Variants in PEPD observed in about 807,000 individuals in gnomAD.
PEPD encodes peptidase D.
In PEPD, 53 loss-of-function variants were observed where a neutral mutation model predicts 60.7. The ratio of observed to expected loss-of-function variants is 0.87; its 90% CI spans 0.70 to 1.10. PEPD has a LOEUF of 1.10. Among genes scored for constraint, PEPD ranks in the 50% least tolerant of loss-of-function variants. The pLI is 0.00. For missense variants in PEPD, 711 were observed against 711.9 expected (o/e 1.00, Z 0.01); for synonymous variants, 267 against 284.1 (o/e 0.94, Z 0.60).
chr19:33,428,462 G>C (rs537497328), intron 9 of PEPD, among the ~76,000 whole-genome samples: 1 of 152,314 alleles, frequency 6.6e-6, no homozygotes, highest in South Asian at 2.1e-4. Flanking sequence ...CTTCCCACCA[G>C]GAGGTCATGG....
chr19:33,493,448 G>A, intron 4 of PEPD, 111 bp from the exon 5 acceptor site: 4 of 822,106 alleles, frequency 4.9e-6, no homozygotes, highest in Non-Finnish European at 8.4e-6. Context: ...CAGATCATTA[G>A]AACAGGCGAC....
intron 9 of PEPD, among the ~76,000 whole-genome samples, chr19:33,418,620 C>A (rs1349881507): frequency 6.6e-6 from 1 of 152,242 alleles, no homozygotes. Context: ...GCCTGGGTGG[C>A]ACCAGCGACC....
intron 9 of PEPD, among the ~76,000 whole-genome samples, chr19:33,454,684 A>G (rs898895970): frequency 3.9e-5 from 6 of 152,152 alleles, no homozygotes; most frequent in African/African-American, 1.2e-4. Flanking sequence ...GAGGGAGAAG[A>G]GACAAATGTG....
At chr19:33,410,833 C>T (rs1354738507) in intron 11 of PEPD, among the ~76,000 whole-genome samples, 1 of 152,070 alleles carries the variant, frequency 6.6e-6, no homozygotes, top group African/African-American at 2.4e-5. Flanking sequence ...TGGCTGAGCC[C>T]CAGGGCTCCA....
intron 9 of PEPD, among the ~76,000 whole-genome samples, chr19:33,417,213 C>T (rs1308703713): frequency 1.3e-5 from 2 of 152,236 alleles, no homozygotes; most frequent in African/African-American, 4.8e-5. Context: ...AAGGGGTGGC[C>T]CTGGCCACAT....
chr19:33,439,946 G>T (rs1005104863), intron 9 of PEPD, among the ~76,000 whole-genome samples: 2 of 152,086 alleles, frequency 1.3e-5, no homozygotes, highest in Non-Finnish European at 2.9e-5. Flanking sequence ...TCGAACCCCC[G>T]GCCTCAAGTG....
intron 9 of PEPD, among the ~76,000 whole-genome samples, chr19:33,440,034 T>C (rs1969454325): frequency 6.6e-6 from 1 of 152,148 alleles, no homozygotes; most frequent in Non-Finnish European, 1.5e-5. Context: ...TCTTAAATGA[T>C]TTGACACTGG....
chr19:33,433,997 AC>A (rs10717801), intron 9 of PEPD, among the ~76,000 whole-genome samples: 152,269 of 152,270 alleles, frequency 1, 76,134 homozygotes, highest in Non-Finnish European at 1. Context: ...GTGGGTGAAG[AC>A]CCCAGGACAT....
intron 12 of PEPD, 23 bp from the exon 13 acceptor site, chr19:33,391,502 G>A (rs754485084): frequency 4.3e-5 from 67 of 1,545,640 alleles, no homozygotes; most frequent in Non-Finnish European, 5.3e-5. Context: ...GGGAGCTGCC[G>A]TGAGCCACAG....
rs188098488 is a variant in PEPD, at chr19:33,395,847, C to T, written c.968-4368G>A. Among the ~76,000 whole-genome samples the T allele has an allele frequency of 2.0e-4, 31 of 152,350 alleles. 1 individual carries two copies. Among genetic ancestry groups the T allele is most frequent in the Admixed American group, 1.8e-3 (27 of 15,308 alleles). Reference sequence around the variant, plus strand: ...AGGGGTGTAGGACAGCAGGCTCCGGCCGGGGTCCCAGGGCAGGCCCTGAGG... The same window carrying T: ...AGGGGTGTAGGACAGCAGGCTCCGGTCGGGGTCCCAGGGCAGGCCCTGAGG... On this transcript the variant is annotated intron_variant, in intron 12 of 14. Coordinates refer to ENST00000244137, the MANE Select transcript of PEPD (RefSeq NM_000285.4).
At chr19:33,468,962 T>C (rs1970071608) in intron 7 of PEPD, among the ~76,000 whole-genome samples, 1 of 152,106 alleles carries the variant, frequency 6.6e-6, no homozygotes, top group Non-Finnish European at 1.5e-5. Flanking sequence ...GGCCAGCAGC[T>C]CAGGCTCCCG....
chr19:33,407,339 G>T (rs114089512), intron 11 of PEPD, among the ~76,000 whole-genome samples: 3 of 152,342 alleles, frequency 2.0e-5, no homozygotes, highest in African/African-American at 7.2e-5. Flanking sequence ...TGGACCATGC[G>T]CCCCCTGCCC....
At chr19:33,420,635 G>C (rs998089203) in intron 9 of PEPD, among the ~76,000 whole-genome samples, 3 of 152,090 alleles carry the variant, frequency 2.0e-5, no homozygotes, top group Non-Finnish European at 4.4e-5. Context: ...CTGGGAGGCG[G>C]AGGTTGTAGT....
chr19:33,472,175 A>C lies in PEPD; in HGVS notation c.548+5871T>G, dbSNP rs1410683306. Among the ~76,000 whole-genome samples the C allele has an allele frequency of 5.3e-5, 8 of 152,030 alleles. No homozygotes were observed. The South Asian group carries it at 1.7e-3, about 32-fold the overall frequency. On this transcript the variant is annotated intron_variant, in intron 7 of 14. Coordinates refer to ENST00000244137, the MANE Select transcript of PEPD (RefSeq NM_000285.4). ...AAACTCCATCTCAAAAAAAAAAAAA[A>C]AAATCAGCTAGGCATGGGAGTGTGC...
At chr19:33,448,258 T>C (rs2145246251) in intron 9 of PEPD, among the ~76,000 whole-genome samples, 1 of 152,274 alleles carries the variant, frequency 6.6e-6, no homozygotes, top group East Asian at 1.9e-4. Context: ...CAAACCTCAA[T>C]AACTGCTCCT....
intron 4 of PEPD, among the ~76,000 whole-genome samples, chr19:33,496,857 T>C (rs1284653138): frequency 1.3e-5 from 2 of 152,228 alleles, no homozygotes; most frequent in Admixed American, 6.5e-5. Flanking sequence ...GGACACCTCC[T>C]GCACTTTCCT....
At chr19:33,473,619 C>T (rs1970166631) in intron 7 of PEPD, among the ~76,000 whole-genome samples, 1 of 152,238 alleles carries the variant, frequency 6.6e-6, no homozygotes, top group African/African-American at 2.4e-5. Flanking sequence ...AGGTACTTAA[C>T]CGAAACCCAA....
chr19:33,517,611 G>A (rs183047142), intron 1 of PEPD, among the ~76,000 whole-genome samples: 4 of 151,960 alleles, frequency 2.6e-5, no homozygotes, highest in African/African-American at 9.6e-5. Flanking sequence ...AGAATGGTAC[G>A]TAGGTTTCAC....
chr19:33,516,031 T>C (rs1971016539), intron 1 of PEPD, among the ~76,000 whole-genome samples: 1 of 152,070 alleles, frequency 6.6e-6, no homozygotes, highest in Non-Finnish European at 1.5e-5. Context: ...TATTTCTCCA[T>C]GGGGCTCCGC....
Sources: gnomAD v4.1 joint callset for allele counts (sites outside exome capture counted in the v4.1 genomes callset) on GRCh38, gnomAD v4.1.1 for gene constraint, MANE v1.5 for transcripts, NCBI Gene and HGNC (gene_info 2026-07-23, HGNC 2026-07-21) for gene names.